Variants in NTN4 observed in about 807,000 individuals in gnomAD.
The protein encoded by NTN4 is netrin-4.
In NTN4, 32 loss-of-function variants were observed where a neutral mutation model predicts 73.6. The observed-to-expected ratio is 0.44, with a 90% CI of 0.33 to 0.58. The LOEUF (loss-of-function observed/expected upper bound fraction) is 0.58. Among genes scored for constraint, NTN4 ranks in the 20% least tolerant of loss-of-function variants. The probability of loss-of-function intolerance (pLI) is 0.04; values close to 1 mark genes in which losing one functional copy is unlikely to be tolerated. For missense variants in NTN4, 654 were observed against 798.3 expected (o/e 0.82, Z 2.18); for synonymous variants, 258 against 287.5 (o/e 0.90, Z 1.04).
At chr12:95,710,324 G>C in intron 5 of NTN4, 117 bp downstream of exon 5, 3 of 744,714 alleles carry the variant, frequency 4.0e-6, no homozygotes, top group Non-Finnish European at 6.4e-6. Flanking sequence ...CGATATCTGT[G>C]AGTGTGTTAT....
intron 2 of NTN4, among the ~76,000 whole-genome samples, chr12:95,770,809 A>T (rs76808728): frequency 0.25 from 37,880 of 151,900 alleles, 5,883 homozygotes; most frequent in African/African-American, 0.44. Context: ...TTTTTTGTTT[A>T]AGGAACTGGG....
At chr12:95,672,380 C>T (rs994484033) in intron 7 of NTN4, 19 of 866,050 alleles carry the variant, frequency 2.2e-5, no homozygotes, top group African/African-American at 9.9e-5. Flanking sequence ...GCAGCTGGTA[C>T]GACTCCGACC....
At chr12:95,752,338 C>G (rs370522627) in intron 2 of NTN4, among the ~76,000 whole-genome samples, 4,754 of 147,724 alleles carry the variant, frequency 0.032, 98 homozygotes, top group East Asian at 0.25. Context: ...CCTATCCACC[C>G]CGTGGTGCCA....
rs138722168 is a variant in NTN4 at position 95,702,698 on chromosome 12, A to T, written c.1180+7743T>A. On this transcript the variant is annotated intron_variant, in intron 5 of 9. Coordinates refer to ENST00000343702, the MANE Select transcript of NTN4 (RefSeq NM_021229.4). ...CATTTCTCCTCATCTAGAATGTAAC[A>T]TCTCTTAGGGAAGATCTTCTGATTT... 4.3e-4 allele frequency among the ~76,000 whole-genome samples: 66 copies of T among 152,276 alleles called. 1 individual carries two copies. Among genetic ancestry groups the T allele is most frequent in the African/African-American group, 1.5e-3 (64 of 41,552 alleles).
At chr12:95,773,646 T>C (rs566641544) in intron 2 of NTN4, among the ~76,000 whole-genome samples, 6 of 151,986 alleles carry the variant, frequency 3.9e-5, no homozygotes, top group Non-Finnish European at 5.9e-5. Flanking sequence ...CTTTGGGTCC[T>C]TATTCGAACG....
intron 2 of NTN4, among the ~76,000 whole-genome samples, chr12:95,764,123 T>G (rs993706266): frequency 6.6e-6 from 1 of 152,204 alleles, no homozygotes; most frequent in African/African-American, 2.4e-5. Context: ...ACAGGCAGAC[T>G]AGCAGTCAAG....
chr12:95,729,407 G>A (rs2078719453), intron 3 of NTN4, among the ~76,000 whole-genome samples: 2 of 151,934 alleles, frequency 1.3e-5, no homozygotes, highest in African/African-American at 4.8e-5. Flanking sequence ...TCTTTTATGA[G>A]TTAACAAATA....
intron 2 of NTN4, among the ~76,000 whole-genome samples, chr12:95,778,566 AGTGGATAAATTCCTGG>A (rs2079110721): frequency 6.6e-6 from 1 of 152,256 alleles, no homozygotes; most frequent in African/African-American, 2.4e-5. Flanking sequence ...ATCTAGAAGA[AGTGGATAAATTCCTGG>A]ACACATACAC....
At chr12:95,738,205 G>T (rs879042893) in intron 2 of NTN4, 61 bp from the exon 3 acceptor site, 303 of 1,418,998 alleles carry the variant, frequency 2.1e-4, no homozygotes, top group Middle Eastern at 1.4e-3. Context: ...TGAATTGTTT[G>T]CCTAATGTAG....
At chr12:95,730,102 T>C (rs186125521) in intron 3 of NTN4, among the ~76,000 whole-genome samples, 143 of 152,304 alleles carry the variant, frequency 9.4e-4, no homozygotes, top group Non-Finnish European at 1.5e-4. Flanking sequence ...AAGAAAAAAG[T>C]CAAATATGAG....
chr12:95,772,060 A>G (rs1402162004), intron 2 of NTN4, among the ~76,000 whole-genome samples: 1 of 152,054 alleles, frequency 6.6e-6, no homozygotes, highest in Non-Finnish European at 1.5e-5. Flanking sequence ...GTTTTTTGAG[A>G]CAGGGTCTCA....
chr12:95,757,669 A>G (rs896375684), intron 2 of NTN4, among the ~76,000 whole-genome samples: 2 of 148,798 alleles, frequency 1.3e-5, no homozygotes, highest in African/African-American at 4.9e-5. Context: ...CTCAGAAAGA[A>G]GAAGAGCCAA....
intron 2 of NTN4, among the ~76,000 whole-genome samples, chr12:95,774,280 A>C (rs1208804852): frequency 6.6e-6 from 1 of 152,030 alleles, no homozygotes; most frequent in African/African-American, 2.4e-5. Context: ...TTAGCTCAAT[A>C]ATTTTAGCTA....
At chr12:95,769,716 T>C (rs2079043345) in intron 2 of NTN4, among the ~76,000 whole-genome samples, 1 of 128,916 alleles carries the variant, frequency 7.8e-6, no homozygotes, top group Non-Finnish European at 1.7e-5. Context: ...ACTCAGCTGT[T>C]GTTACAGGTG....
At chr12:95,699,201 A>G (rs1385674587) in intron 5 of NTN4, among the ~76,000 whole-genome samples, 1 of 152,224 alleles carries the variant, frequency 6.6e-6, no homozygotes, top group Non-Finnish European at 1.5e-5. Context: ...GTATAAAATG[A>G]ACTCACGTGA....
chr12:95,718,606 G>A (rs1187696438), intron 3 of NTN4, among the ~76,000 whole-genome samples: 3 of 150,574 alleles, frequency 2.0e-5, no homozygotes, highest in East Asian at 3.9e-4. Context: ...GCTGGATCCT[G>A]TTGCCACTTA....
At chr12:95,764,597 G>A (rs1385036974) in intron 2 of NTN4, among the ~76,000 whole-genome samples, 1 of 151,618 alleles carries the variant, frequency 6.6e-6, no homozygotes, top group Admixed American at 6.6e-5. Flanking sequence ...CCCAGGAGGC[G>A]GAGGTTGCAG....
intron 3 of NTN4, 87 bp downstream of exon 3, chr12:95,737,779 C>A: frequency 4.6e-6 from 6 of 1,315,676 alleles, no homozygotes; most frequent in Non-Finnish European, 6.3e-6. Context: ...AAATCAGCAG[C>A]ACTATGTTAA....
intron 9 of NTN4, among the ~76,000 whole-genome samples, chr12:95,660,015 T>C (rs1397416012): frequency 6.6e-6 from 1 of 152,062 alleles, no homozygotes; most frequent in Non-Finnish European, 1.5e-5. Flanking sequence ...TGTTTTTGTT[T>C]TGTTTTGTTT....
Sources: gnomAD v4.1 joint callset for allele counts (sites outside exome capture counted in the v4.1 genomes callset) on GRCh38, gnomAD v4.1.1 for gene constraint, MANE v1.5 for transcripts, NCBI Gene and HGNC (gene_info 2026-07-23, HGNC 2026-07-21) for gene names.